The following FN1 variants were observed in gnomAD, a reference collection of about 807,000 sequenced individuals.
FN1 encodes fibronectin 1.
In FN1, 106 loss-of-function variants were observed where a neutral mutation model predicts 297.3. The ratio of observed to expected loss-of-function variants is 0.36; its 90% CI spans 0.30 to 0.42. The LOEUF (loss-of-function observed/expected upper bound fraction) is 0.42. Ranked by LOEUF, FN1 falls within the 10% of genes least tolerant of loss-of-function variation. FN1 has a pLI of 1.00. For synonymous variants in FN1, 1,149 were observed against 1,152.6 expected (o/e 1.00, Z 0.06); for missense variants, 2,690 against 3,124.9 (o/e 0.86, Z 3.32).
intron 13 of FN1, among the ~76,000 whole-genome samples, chr2:215,412,285 A>C (rs1351042182): frequency 6.6e-6 from 1 of 152,058 alleles, no homozygotes; most frequent in Non-Finnish European, 1.5e-5. Context: ...AATGAGAAAG[A>C]CACGATTCCC....
intron 34 of FN1, 119 bp downstream of exon 34, chr2:215,379,008 GATT>G: frequency 1.1e-6 from 1 of 945,486 alleles, no homozygotes. Context: ...ATTACAATAA[GATT>G]ATTTGATGCA....
intron 6 of FN1, 108 bp downstream of exon 6, chr2:215,428,072 A>C (rs2065816832): frequency 7.5e-7 from 1 of 1,331,804 alleles, no homozygotes. Context: ...TTATTAGCTG[A>C]AACACTGCAA....
At position 215,367,958 on chromosome 2, in the gene FN1, A is replaced by G. The variant is rs545761792; in HGVS notation, c.6923T>C (p.Val2308Ala). The change falls in exon 42 of 46, where the codon GTT becomes GCT. Residue 2308 changes from valine to alanine, a missense_variant. Physicochemically the swap from Val to Ala is moderately conservative, Grantham distance 64. Transcript: ENST00000354785. ...AGACATTCGTTCCCACTCATCTCCA[A>G]CGGCATAATGGGAAACTGTGTAGGG... Reference protein sequence around the residue: ...FDPYTVSHYAVGDEWERMSES... With the variant: ...FDPYTVSHYAAGDEWERMSES... 5.0e-4 allele frequency: 811 copies of G among 1,614,108 alleles called. 9 individuals carry two copies. The South Asian group carries it at 8.3e-3, about 17-fold the overall frequency.
At chr2:215,401,218 G>GAAAT (rs1575569279) in intron 20 of FN1, among the ~76,000 whole-genome samples, 2 of 42,950 alleles carry the variant, frequency 4.7e-5, no homozygotes, top group Non-Finnish European at 9.8e-5. Context: ...AAGAAAGAAA[G>GAAAT]AAAGAAAGAA....
chr2:215,406,623 G>C, intron 18 of FN1, 113 bp from the exon 19 acceptor site: 1 of 1,128,638 alleles, frequency 8.9e-7, no homozygotes, highest in East Asian at 2.6e-5. Context: ...CGAGAGTTTT[G>C]CTAAGTTTTG....
chr2:215,368,798 A>C (rs2055213098), intron 41 of FN1, among the ~76,000 whole-genome samples: 1 of 152,194 alleles, frequency 6.6e-6, no homozygotes, highest in Non-Finnish European at 1.5e-5. Flanking sequence ...GAGTCTCTTC[A>C]TGTTACCTAA....
chr2:215,401,227 AAAGAAAGAAAGAAAGAAAGAAAGG>A (rs1235262340), intron 20 of FN1, among the ~76,000 whole-genome samples: 32 of 56,548 alleles, frequency 5.7e-4, no homozygotes, highest in African/African-American at 1.9e-3. Context: ...AGAAAGAAAG[AAAGAAAGAAAGAAAGAAAGAAAGG>A]AAGAAAGAAA....
chr2:215,405,161 A>G (rs960752745), intron 19 of FN1, among the ~76,000 whole-genome samples: 1 of 152,250 alleles, frequency 6.6e-6, no homozygotes, highest in African/African-American at 2.4e-5. Flanking sequence ...TACAGTAATG[A>G]TAACGTATCC....
chr2:215,374,919 G>A (rs2056987469), intron 38 of FN1, among the ~76,000 whole-genome samples: 1 of 152,196 alleles, frequency 6.6e-6, no homozygotes, highest in Non-Finnish European at 1.5e-5. Context: ...AGTATGCTTT[G>A]AAAAATATCT....
chr2:215,367,823 G>A (rs915973055), intron 42 of FN1, 40 bp downstream of exon 42: 27 of 1,607,660 alleles, frequency 1.7e-5, no homozygotes, highest in Non-Finnish European at 2.2e-5. Flanking sequence ...GGAACTTGAG[G>A]AGACAAACAC....
In FN1 at chr2:215,404,674, C is replaced by T; in HGVS notation, c.2987-19G>A. Reference sequence around the variant, plus strand: ...TCCAGTTCTAGGAAAAAAGATGAAACATGCCAAGAAATATTTAGATCAGTA... The same window carrying T: ...TCCAGTTCTAGGAAAAAAGATGAAATATGCCAAGAAATATTTAGATCAGTA... On this transcript the variant is annotated intron_variant, in intron 19 of 45. Transcript: ENST00000354785. 1 of 1,609,274 alleles carries T rather than the reference C, an allele frequency of 6.2e-7. No homozygotes were observed. The highest frequency in any genetic ancestry group is 8.5e-7 in the Non-Finnish European group (1 of 1,175,684).
chr2:215,388,379 AC>A, intron 26 of FN1, 78 bp from the exon 27 acceptor site: 1 of 1,002,940 alleles, frequency 1.0e-6, no homozygotes, highest in South Asian at 1.3e-5. Context: ...GACTATTTGA[AC>A]TGATGAAATA....
At chr2:215,427,942 T>C (rs776917325) in intron 6 of FN1, among the ~76,000 whole-genome samples, 1 of 152,202 alleles carries the variant, frequency 6.6e-6, no homozygotes, top group Non-Finnish European at 1.5e-5. Context: ...CTTTTGGAGA[T>C]AAATCTGGCT....
rs2064783677 is a variant in FN1 at position 215,423,359 on chromosome 2, G to C, written c.1384C>G (p.Pro462Ala). The C allele has an allele frequency of 6.2e-7, 1 of 1,613,798 alleles. No individual in the cohort carries two copies. Among genetic ancestry groups the C allele is most frequent in the South Asian group, 1.1e-5 (1 of 91,068 alleles). The change falls in exon 9 of 46, where the codon CCC (proline) becomes GCC (alanine). Residue 462 changes from proline (P) to alanine (A), a missense_variant. Physicochemically the swap from Pro to Ala is conservative, Grantham distance 27. This residue lies in a region of FN1 where 876 missense variants were observed against 1,058.1 expected (regional missense o/e 0.83). Coordinates refer to ENST00000354785, the MANE Select transcript of FN1 (RefSeq NM_212482.4). ...YDADQKFGFC[P>A]MAAHEEICTT... is the part of the protein sequence containing the mutation. ...AAGGGCTTCATCTTACCAGCCATGGGGCAGAACCCAAACTTCTGGTCGGCA... is the reference window on the plus strand; with the variant it reads ...AAGGGCTTCATCTTACCAGCCATGGCGCAGAACCCAAACTTCTGGTCGGCA...
At chr2:215,429,755 T>C (rs1427306374) in intron 5 of FN1, among the ~76,000 whole-genome samples, 1 of 152,234 alleles carries the variant, frequency 6.6e-6, no homozygotes, top group African/African-American at 2.4e-5. Context: ...TCATTTCATA[T>C]CTGCACCCCT....
In FN1 at chr2:215,372,354, G is replaced by A. The variant is rs1037719321; in HGVS notation, c.6269C>T (p.Thr2090Ile). 1 of 1,614,178 alleles carries A rather than the reference G, an allele frequency of 6.2e-7. No individual in the cohort carries two copies. Among genetic ancestry groups the A allele is most frequent in the Non-Finnish European group, 8.5e-7 (1 of 1,180,014 alleles). The change falls in exon 40 of 46, where the codon ACC (threonine) becomes ATC (isoleucine). Residue 2090 changes from threonine to isoleucine, a missense_variant. Coordinates refer to ENST00000354785, the MANE Select transcript of FN1 (RefSeq NM_212482.4). The stretch of plus-strand genomic sequence containing the variant: ...TCCATGAAGATTGGGGTGTGGAAGG[G>A]TTACCAGTTGGGGAAGCTCGTCTAG... ...KKTDELPQLV[T>I]LPHPNLHGPE...
chr2:215,373,275 T>C (rs1420988719), intron 39 of FN1, 47 bp downstream of exon 39: 8 of 1,415,506 alleles, frequency 5.7e-6, no homozygotes, highest in Middle Eastern at 1.8e-4. Flanking sequence ...TCATTTGTTA[T>C]TAGTTTTGTC....
At chr2:215,392,486 G>C in intron 25 of FN1, 1 of 207,678 alleles carries the variant, frequency 4.8e-6, no homozygotes, top group Non-Finnish European at 9.9e-6. Context: ...AATTTTGATG[G>C]GTTTTTAGCT....
At chr2:215,417,576 G>T (rs1055271404) in intron 12 of FN1, among the ~76,000 whole-genome samples, 1 of 152,120 alleles carries the variant, frequency 6.6e-6, no homozygotes, top group African/African-American at 2.4e-5. Flanking sequence ...ACAATCTGTT[G>T]GTAATCTGCT....
Sources: allele counts gnomAD v4.1 joint callset (sites outside exome capture counted in the v4.1 genomes callset), GRCh38; gene constraint gnomAD v4.1.1; regional missense constraint gnomAD v4.1.1; transcripts MANE v1.5; gene names NCBI Gene and HGNC (gene_info 2026-07-23, HGNC 2026-07-21).